ADAM29: variants seen among roughly 807,000 people sequenced by gnomAD.
ADAM29 encodes the protein disintegrin and metalloproteinase domain-containing protein 29.
For synonymous variants in ADAM29, 367 were observed against 342.3 expected (o/e 1.07, Z -0.80); for missense variants, 969 against 1,001.8 (o/e 0.97, Z 0.44).
chr4:174,949,362 A>G, intron 4 of ADAM29, among the ~76,000 whole-genome samples: 1 of 152,162 alleles, frequency 6.6e-6, no homozygotes, highest in East Asian at 1.9e-4. Context: ...TCTGAACTAC[A>G]CAGGCTAGAG....
Position 174,974,484 on chromosome 4 carries a change from C to T in ADAM29, c.-180-862C>T, listed in dbSNP as rs75677212. Among the ~76,000 whole-genome samples, 586 of 152,186 alleles carry T rather than the reference C, an allele frequency of 3.9e-3. 4 individuals carry two copies. The highest frequency in any genetic ancestry group is 0.013 in the African/African-American group (555 of 41,512). On this transcript the variant is annotated intron_variant, in intron 4 of 4. Transcript: ENST00000359240. ...TTTTCAGAGTCTTTTTGTTGTTGTCCATTGACTTGTTTCAGAGTATTAAAT... is the reference window on the plus strand; with the variant it reads ...TTTTCAGAGTCTTTTTGTTGTTGTCTATTGACTTGTTTCAGAGTATTAAAT...
rs1303548823 is a variant in ADAM29, at chr4:174,976,678, T to C, written c.1153T>C (p.Leu385=). 1 of 1,613,886 alleles carries C rather than the reference T, an allele frequency of 6.2e-7. No homozygotes were observed. Among genetic ancestry groups the C allele is most frequent in the African/African-American group, 1.3e-5 (1 of 74,934 alleles). ...ATATACTGTAGAGAGGACAAAGTGT[T>C]TGCTTGAAACAGTACACACAAAGGA... ...WEYTVERTKC[L]LETVHTKDIF... Residue 385 remains leucine (L), a synonymous_variant, in exon 5 of 5, where the codon TTG becomes CTG. Transcript: ENST00000359240.
intron 4 of ADAM29, among the ~76,000 whole-genome samples, chr4:174,968,495 C>T (rs1490859923): frequency 4.6e-5 from 7 of 152,134 alleles, no homozygotes; most frequent in African/African-American, 9.7e-5. Flanking sequence ...ACTTTTTGTA[C>T]GTAAGCACTT....
chr4:174,937,250 G>A (rs867745358), intron 4 of ADAM29, among the ~76,000 whole-genome samples: 4 of 152,066 alleles, frequency 2.6e-5, no homozygotes, highest in Middle Eastern at 3.4e-3. Context: ...AGAATGAATT[G>A]TGTCAAGCTG....
intron 3 of ADAM29, among the ~76,000 whole-genome samples, chr4:174,935,207 A>G (rs1303427851): frequency 6.6e-6 from 1 of 152,174 alleles, no homozygotes; most frequent in Non-Finnish European, 1.5e-5. Flanking sequence ...GTTCTCAAAT[A>G]AAATAAAGTT....
At chr4:174,965,664 G>A (rs890556259) in intron 4 of ADAM29, among the ~76,000 whole-genome samples, 7 of 152,032 alleles carry the variant, frequency 4.6e-5, no homozygotes, top group Non-Finnish European at 1.5e-5. Context: ...TCTGATGAGA[G>A]CCCTCTTTTG....
At chr4:174,933,996 T>C (rs1744059472) in intron 3 of ADAM29, among the ~76,000 whole-genome samples, 1 of 152,194 alleles carries the variant, frequency 6.6e-6, no homozygotes, top group Non-Finnish European at 1.5e-5. Flanking sequence ...TACCCAGTAA[T>C]ATGATTGCTA....
Position 174,975,463 on chromosome 4 carries a change from C to T in ADAM29, c.-63C>T. The stretch of plus-strand genomic sequence containing the variant: ...CCTGTGACTCCAGCCCTGACTTCTG[C>T]TCTGGACCAGTGTTTCCATAACAGG... On this transcript the variant is annotated 5_prime_UTR_variant, in exon 5 of 5. Transcript: ENST00000359240. The T allele has an allele frequency of 1.4e-6, 2 of 1,465,020 alleles. No homozygotes were observed. The highest frequency in any genetic ancestry group is 1.8e-6 in the Non-Finnish European group (2 of 1,102,344). The allele number at this position is 1,465,020 out of a possible 1,614,324, so 90.8% of individuals were successfully genotyped here.
chr4:174,938,110 G>A (rs1484107278), intron 4 of ADAM29, among the ~76,000 whole-genome samples: 3 of 152,068 alleles, frequency 2.0e-5, no homozygotes, highest in African/African-American at 7.2e-5. Flanking sequence ...TAGATTATTT[G>A]AAGGGTCTCT....
chr4:174,919,091 T>C (rs1047312492), intron 1 of ADAM29: 1 of 152,186 alleles, frequency 6.6e-6, no homozygotes, highest in African/African-American at 2.4e-5. Flanking sequence ...TACCATACTT[T>C]GTGGCATTCT....
chr4:174,934,100 C>G (rs1045297654), intron 3 of ADAM29, among the ~76,000 whole-genome samples: 1 of 152,080 alleles, frequency 6.6e-6, no homozygotes, highest in Non-Finnish European at 1.5e-5. Flanking sequence ...CAACAGTGTT[C>G]CCTTTTCTCT....
In ADAM29 at chr4:174,947,555, G is replaced by C. The variant is rs144208779; in HGVS notation, c.-181+10542G>C. Among the ~76,000 whole-genome samples the C allele has an allele frequency of 3.4e-3, 520 of 152,258 alleles. 2 individuals are homozygous for C. The highest frequency in any genetic ancestry group is 0.011 in the African/African-American group (473 of 41,550). On this transcript the variant is annotated intron_variant, in intron 4 of 4. Coordinates refer to ENST00000359240, the MANE Select transcript of ADAM29 (RefSeq NM_014269.4). ...AAATCCCTCGTAATTGTATGGTTTT[G>C]AGCAATCTTCTTACTATTGATTTCT...
intron 2 of ADAM29, among the ~76,000 whole-genome samples, chr4:174,923,306 C>T (rs187085527): frequency 5.3e-4 from 80 of 151,860 alleles, no homozygotes; most frequent in African/African-American, 1.8e-3. Flanking sequence ...CCACCCACCT[C>T]GGACTCCCAA....
In ADAM29 at chr4:174,976,816, C is replaced by A. The variant is rs751136095; in HGVS notation, c.1291C>A (p.Leu431Met). ...TCCCTGCTGTCTGTCAAATTGCACTCTGACTGATGGTTCTACTTGTGCTTT... is the reference window on the plus strand; with the variant it reads ...TCCCTGCTGTCTGTCAAATTGCACTATGACTGATGGTTCTACTTGTGCTTT... ...KDPCCLSNCT[L>M]TDGSTCAFGL... The change falls in exon 5 of 5, where the codon CTG (leucine) becomes ATG (methionine). Residue 431 changes from leucine (L) to methionine (M), a missense_variant. Physicochemically the swap from Leu to Met is conservative, Grantham distance 15. Transcript: ENST00000359240. 6.2e-7 allele frequency: 1 copy of A among 1,614,178 alleles called. No homozygotes were observed. The highest frequency in any genetic ancestry group is 2.2e-5 in the East Asian group (1 of 44,876).
intron 2 of ADAM29, among the ~76,000 whole-genome samples, chr4:174,924,835 A>G (rs1743404032): frequency 6.6e-6 from 1 of 152,182 alleles, no homozygotes; most frequent in East Asian, 1.9e-4. Context: ...CATGTGGGCT[A>G]TGCAAGTTGA....
chr4:174,968,834 T>C (rs1360137175), intron 4 of ADAM29, among the ~76,000 whole-genome samples: 1 of 152,012 alleles, frequency 6.6e-6, no homozygotes, highest in Non-Finnish European at 1.5e-5. Flanking sequence ...ATCGTGTTTG[T>C]CTTATATCTG....
intron 4 of ADAM29, among the ~76,000 whole-genome samples, chr4:174,956,505 T>C (rs1201348750): frequency 7.4e-6 from 1 of 135,562 alleles, no homozygotes; most frequent in African/African-American, 2.9e-5. Context: ...TGTGTGTGTG[T>C]GTTTGTGAGA....
At chr4:174,959,387 C>A (rs1745682177) in intron 4 of ADAM29, among the ~76,000 whole-genome samples, 1 of 149,632 alleles carries the variant, frequency 6.7e-6, no homozygotes, top group Admixed American at 6.7e-5. Flanking sequence ...CCTTCAAGAC[C>A]TTTTTTTTTG....
intron 4 of ADAM29, among the ~76,000 whole-genome samples, chr4:174,940,412 A>T (rs770444313): frequency 8.5e-5 from 13 of 152,322 alleles, no homozygotes; most frequent in African/African-American, 3.1e-4. Context: ...GAGGGTTAAC[A>T]TATGCCTATA....
Sources: allele counts gnomAD v4.1 joint callset (sites outside exome capture counted in the v4.1 genomes callset), GRCh38; gene constraint gnomAD v4.1.1; transcripts MANE v1.5; gene names NCBI Gene and HGNC (gene_info 2026-07-23, HGNC 2026-07-21).